Variants in RYR2 observed in about 807,000 individuals in gnomAD.
RYR2 encodes the protein ryanodine receptor 2.
Under a neutral mutation model 601.1 loss-of-function variants are expected in RYR2, and 227 were observed. That is an observed-to-expected ratio of 0.38 (90% CI 0.34 to 0.42). The LOEUF is 0.42. RYR2 is among the 10% of genes least tolerant of loss of function. RYR2 has a pLI of 1.00. For missense variants in RYR2, 4,646 were observed against 6,156.5 expected (o/e 0.75, Z 8.21); for synonymous variants, 2,223 against 2,175.1 (o/e 1.02, Z -0.61).
intron 1 of RYR2, among the ~76,000 whole-genome samples, chr1:237,090,182 A>G (rs561967976): frequency 6.6e-6 from 1 of 152,268 alleles, no homozygotes; most frequent in Non-Finnish European, 1.5e-5. Context: ...CTCCCATGCT[A>G]TGTGGGGATT....
At chr1:237,441,192 A>G (rs1316986026) in intron 12 of RYR2, 127 bp from the exon 13 acceptor site, 4 of 834,412 alleles carry the variant, frequency 4.8e-6, no homozygotes, top group Admixed American at 2.5e-5. Flanking sequence ...ATATTTGGCC[A>G]TTATTTCAGG....
chr1:237,312,178 A>C (rs1206577366), intron 2 of RYR2, among the ~76,000 whole-genome samples: 1 of 152,184 alleles, frequency 6.6e-6, no homozygotes, highest in Non-Finnish European at 1.5e-5. Flanking sequence ...GGTGTTCATA[A>C]AGAGAAATAG....
At chr1:237,526,363 TC>T (rs944285389) in intron 24 of RYR2, among the ~76,000 whole-genome samples, 1 of 152,052 alleles carries the variant, frequency 6.6e-6, no homozygotes, top group African/African-American at 2.4e-5. Flanking sequence ...CTTTTTTTTT[TC>T]AGGACCAGAG....
chr1:237,211,101 T>C (rs1420421511), intron 1 of RYR2, among the ~76,000 whole-genome samples: 2 of 152,182 alleles, frequency 1.3e-5, no homozygotes, highest in African/African-American at 4.8e-5. Context: ...GGTTATTGGA[T>C]GGCATTACTA....
chr1:237,678,100 G>A lies in RYR2; in HGVS notation c.8883G>A (p.Lys2961=), dbSNP rs1252809808. ...ATTTCCCTTATGAACAAGAAATCAA[G>A]TTCTTTGCAAAAGTACAGTATACAA... is the stretch of plus-strand genomic sequence containing the variant. ...GEHFPYEQEI[K]FFAKVVLPLI... The change falls in exon 61 of 105, where the codon AAG becomes AAA. Residue 2961 remains lysine (K), a synonymous_variant. Transcript: ENST00000366574. 1 of 1,591,274 alleles carries A rather than the reference G, an allele frequency of 6.3e-7. No individual in the cohort carries two copies. Among genetic ancestry groups the A allele is most frequent in the Admixed American group, 1.7e-5 (1 of 59,254 alleles).
chr1:237,430,820 C>T (rs1291100085), intron 12 of RYR2, among the ~76,000 whole-genome samples: 5 of 152,118 alleles, frequency 3.3e-5, no homozygotes, highest in Non-Finnish European at 5.9e-5. Context: ...GCTTTTGAAA[C>T]CTTTTTCTCT....
Position 237,341,183 on chromosome 1 carries a change from TC to T in RYR2, c.273+10203del, listed in dbSNP as rs536863905. Among the ~76,000 whole-genome samples the T allele has an allele frequency of 2.2e-3, 341 of 152,332 alleles. 3 individuals carry two copies. Among genetic ancestry groups the T allele is most frequent in the African/African-American group, 7.7e-3 (321 of 41,570 alleles). ...TTAGTCTCATTCAATTTGGACATCT[TC>T]CTCAGCTATTTGTGTGTGTTTATAA... On this transcript the variant is annotated intron_variant, in intron 3 of 104. Coordinates refer to ENST00000366574, the MANE Select transcript of RYR2 (RefSeq NM_001035.3).
intron 1 of RYR2, among the ~76,000 whole-genome samples, chr1:237,153,684 G>A (rs920169613): frequency 2.6e-5 from 4 of 151,084 alleles, no homozygotes; most frequent in Admixed American, 2.6e-4. Context: ...TAATTTTGCA[G>A]ACAATCTGCA....
intron 2 of RYR2, among the ~76,000 whole-genome samples, chr1:237,272,641 T>C (rs190271044): frequency 3.1e-4 from 46 of 149,702 alleles, no homozygotes; most frequent in African/African-American, 1.1e-3. Flanking sequence ...TATTGTTTTA[T>C]ATATAAAAAG....
rs759314800 is a variant in RYR2, at chr1:237,648,544, A to G, written c.7443A>G (p.Gln2481=). Residue 2481 remains glutamine, a synonymous_variant, in exon 49 of 105, where the codon CAA becomes CAG. Coordinates refer to ENST00000366574, the MANE Select transcript of RYR2 (RefSeq NM_001035.3). ...FLDRVYGIEV[Q]DFLLHLLEVG... ...ACAGGGTCTATGGGATTGAGGTTCA[A>G]GACTTCCTCCTCCATCTTCTTGAGG... 12 of 1,611,446 alleles carry G rather than the reference A, an allele frequency of 7.4e-6. No individual in the cohort carries two copies. The East Asian group carries it at 1.8e-4, about 24-fold the overall frequency.
intron 21 of RYR2, among the ~76,000 whole-genome samples, chr1:237,501,617 T>C (rs796288029): frequency 2.6e-5 from 4 of 152,370 alleles, no homozygotes; most frequent in African/African-American, 9.6e-5. Flanking sequence ...GTTTCAGTTA[T>C]TCTTTTAGTT....
chr1:237,165,404 T>A (rs1314657438), intron 1 of RYR2, among the ~76,000 whole-genome samples: 1 of 152,212 alleles, frequency 6.6e-6, no homozygotes, highest in Non-Finnish European at 1.5e-5. Flanking sequence ...ACTTATCTTT[T>A]GGCTTGCTTC....
chr1:237,476,521 A>C (rs1368639677), intron 17 of RYR2, among the ~76,000 whole-genome samples: 1 of 48,606 alleles, frequency 2.1e-5, no homozygotes, highest in Non-Finnish European at 5.8e-5. Context: ...AAAAAAAAAA[A>C]AAAAAAAAAA....
intron 2 of RYR2, among the ~76,000 whole-genome samples, chr1:237,308,688 T>C (rs898730352): frequency 2.6e-5 from 4 of 152,218 alleles, no homozygotes; most frequent in African/African-American, 4.8e-5. Context: ...CGGTGAGTGT[T>C]ACAGCTCATA....
intron 10 of RYR2, among the ~76,000 whole-genome samples, chr1:237,390,219 GAAGAC>G (rs1279085961): frequency 6.8e-6 from 1 of 146,316 alleles, no homozygotes; most frequent in Admixed American, 6.6e-5. Context: ...TTGTTAAATG[GAAGAC>G]AGACTAAGTG....
intron 35 of RYR2, among the ~76,000 whole-genome samples, chr1:237,603,502 G>C (rs1346065363): frequency 7.9e-5 from 12 of 152,304 alleles, no homozygotes; most frequent in Non-Finnish European, 1.5e-4. Flanking sequence ...ATCGATGCTA[G>C]GAAGAAACTG....
At chr1:237,641,978 A>T (rs1558123991) in intron 47 of RYR2, among the ~76,000 whole-genome samples, 1 of 132,874 alleles carries the variant, frequency 7.5e-6, no homozygotes, top group Non-Finnish European at 1.6e-5. Flanking sequence ...TATTATATTC[A>T]TTTAAAAAAA....
At chr1:237,666,380 G>T in intron 56 of RYR2, 132 bp from the exon 57 acceptor site, 1 of 714,170 alleles carries the variant, frequency 1.4e-6, no homozygotes, top group South Asian at 1.7e-5. Context: ...ACATCATTTT[G>T]TATAGAAACT....
intron 79 of RYR2, among the ~76,000 whole-genome samples, chr1:237,741,459 A>G (rs1691600441): frequency 6.6e-6 from 1 of 152,196 alleles, no homozygotes; most frequent in Admixed American, 6.5e-5. Context: ...GGTTGGAACA[A>G]TCTAACTTTG....
Sources: gnomAD v4.1 joint callset for allele counts (sites outside exome capture counted in the v4.1 genomes callset) on GRCh38, gnomAD v4.1.1 for gene constraint, MANE v1.5 for transcripts, NCBI Gene and HGNC (gene_info 2026-07-23, HGNC 2026-07-21) for gene names.